The following GPHN variants were observed in gnomAD, a reference collection of about 807,000 sequenced individuals.
GPHN encodes the protein gephyrin.
A neutral mutation model predicts 95.5 loss-of-function variants in GPHN; 17 were observed. The observed-to-expected ratio is 0.18, with a 90% confidence interval of 0.12 to 0.27. The LOEUF (loss-of-function observed/expected upper bound fraction) is 0.27, where lower values mean the gene tolerates loss of function less well. GPHN is among the 10% of genes least tolerant of loss of function. GPHN has a pLI of 1.00. For missense variants in GPHN, 660 were observed against 978.1 expected (o/e 0.67, Z 4.34); for synonymous variants, 320 against 322.5 (o/e 0.99, Z 0.08).
At chr14:66,751,482 A>G (rs1270941138) in intron 2 of GPHN, among the ~76,000 whole-genome samples, 1 of 152,054 alleles carries the variant, frequency 6.6e-6, no homozygotes, top group African/African-American at 2.4e-5. Flanking sequence ...GGCTGCATGT[A>G]TGTCTTCTTT....
intron 10 of GPHN, among the ~76,000 whole-genome samples, chr14:67,053,317 C>A (rs1266813704): frequency 2.0e-5 from 3 of 151,890 alleles, no homozygotes; most frequent in Non-Finnish European, 4.4e-5. Context: ...GAACAACCAT[C>A]AGAGAATACT....
intron 2 of GPHN, among the ~76,000 whole-genome samples, chr14:66,706,951 T>G (rs928053095): frequency 6.6e-6 from 1 of 151,124 alleles, no homozygotes; most frequent in African/African-American, 2.4e-5. Context: ...ATAAGGAATT[T>G]AAACAGATTT....
chr14:66,878,078 A>G (rs1215223455), intron 4 of GPHN, among the ~76,000 whole-genome samples: 2 of 152,176 alleles, frequency 1.3e-5, no homozygotes, highest in Non-Finnish European at 1.5e-5. Context: ...CCACACATCT[A>G]CAACCATTTT....
the GPHN span, among the ~76,000 whole-genome samples, chr14:67,216,298 G>A: frequency 6.6e-6 from 1 of 151,634 alleles, no homozygotes; most frequent in Non-Finnish European, 1.5e-5. Flanking sequence ...TTCTTTTTTT[G>A]TCATGTCCTT....
chr14:67,094,917 C>T (rs560865149), intron 12 of GPHN, among the ~76,000 whole-genome samples: 7 of 152,288 alleles, frequency 4.6e-5, no homozygotes, highest in African/African-American at 1.4e-4. Flanking sequence ...AGTATTGTAA[C>T]ATGCTGTACA....
At chr14:67,490,893 G>C in the GPHN span, among the ~76,000 whole-genome samples, 1 of 152,146 alleles carries the variant, frequency 6.6e-6, no homozygotes, top group African/African-American at 2.4e-5. Context: ...TGGGGTGGGC[G>C]TGGAGGGGGG....
chr14:67,678,562 T>A, the GPHN span: 3 of 584,876 alleles, frequency 5.1e-6, no homozygotes, highest in African/African-American at 3.7e-5. Flanking sequence ...TTTGTCCTTA[T>A]CTCTTCATTC....
intron 9 of GPHN, among the ~76,000 whole-genome samples, chr14:66,972,928 C>A (rs1454212921): frequency 6.6e-6 from 1 of 152,024 alleles, no homozygotes; most frequent in Non-Finnish European, 1.5e-5. Context: ...GATTTTGTAC[C>A]ATCAGTGCAA....
At chr14:67,200,230 C>G in the GPHN span, 7 of 1,006,414 alleles carry the variant, frequency 7.0e-6, no homozygotes, top group East Asian at 1.9e-4. Context: ...CCTCCACAAC[C>G]CACACCCTAT....
At chr14:66,918,957 A>G (rs577600469) in intron 6 of GPHN, among the ~76,000 whole-genome samples, 1 of 152,274 alleles carries the variant, frequency 6.6e-6, no homozygotes, top group Non-Finnish European at 1.5e-5. Context: ...CTATTACTTC[A>G]AATGTGAAAG....
At chr14:66,994,481 G>C (rs1358233317) in intron 9 of GPHN, among the ~76,000 whole-genome samples, 1 of 152,118 alleles carries the variant, frequency 6.6e-6, no homozygotes, top group Non-Finnish European at 1.5e-5. Context: ...TAGAATGGAA[G>C]TGACCCATTT....
At chr14:67,256,210 A>G in the GPHN span, among the ~76,000 whole-genome samples, 3 of 152,194 alleles carry the variant, frequency 2.0e-5, no homozygotes, top group Non-Finnish European at 2.9e-5. Context: ...AATATTGTAT[A>G]TATTCTTCTG....
At chr14:67,729,909 G>T in the GPHN span, 1 of 433,222 alleles carries the variant, frequency 2.3e-6, no homozygotes, top group Non-Finnish European at 4.6e-6. Context: ...GGAAGCCCAG[G>T]GTGAAATCTC....
chr14:67,023,989 A>AAAT (rs375397455), intron 10 of GPHN, among the ~76,000 whole-genome samples: 3 of 152,104 alleles, frequency 2.0e-5, no homozygotes, highest in Non-Finnish European at 4.4e-5. Context: ...AACTAACTGA[A>AAAT]AATAATAATA....
chr14:67,390,652 T>G, the GPHN span: 1 of 1,588,158 alleles, frequency 6.3e-7, no homozygotes, highest in Non-Finnish European at 8.6e-7. Flanking sequence ...GGAGCCAGCA[T>G]GCGCACTCAC....
the GPHN span, among the ~76,000 whole-genome samples, chr14:67,552,629 T>G: frequency 6.7e-6 from 1 of 148,494 alleles, no homozygotes; most frequent in Non-Finnish European, 1.5e-5. Context: ...TAGCTGGGCG[T>G]GGTGGCGGGT....
At chr14:66,623,770 G>T (rs2063409143) in intron 1 of GPHN, among the ~76,000 whole-genome samples, 1 of 152,048 alleles carries the variant, frequency 6.6e-6, no homozygotes, top group South Asian at 2.1e-4. Flanking sequence ...TTAAAGAAGA[G>T]GAGGGACCTG....
intron 4 of GPHN, among the ~76,000 whole-genome samples, chr14:66,875,162 T>C (rs1453015046): frequency 6.6e-6 from 1 of 152,116 alleles, no homozygotes; most frequent in Non-Finnish European, 1.5e-5. Flanking sequence ...AAACTAAGCT[T>C]CATAAACAAA....
chr14:66,905,229 T>G (rs769683088), intron 5 of GPHN, among the ~76,000 whole-genome samples: 1 of 152,154 alleles, frequency 6.6e-6, no homozygotes, highest in Non-Finnish European at 1.5e-5. Flanking sequence ...AACGAACTTT[T>G]CAGTTGAACA....
Sources: gnomAD v4.1 joint callset for allele counts (sites outside exome capture counted in the v4.1 genomes callset) on GRCh38, gnomAD v4.1.1 for gene constraint, MANE v1.5 for transcripts, NCBI Gene and HGNC (gene_info 2026-07-23, HGNC 2026-07-21) for gene names.